The following STAT4 variants were observed in gnomAD, a reference collection of about 807,000 sequenced individuals.
The protein encoded by STAT4 is signal transducer and activator of transcription 4.
A neutral mutation model predicts 110.5 loss-of-function variants in STAT4; 42 were observed. The observed-to-expected ratio is 0.38, with a 90% CI of 0.30 to 0.49. The LOEUF (loss-of-function observed/expected upper bound fraction) is 0.49, where lower values mean the gene tolerates loss of function less well. Ranked by LOEUF, STAT4 falls within the 20% of genes least tolerant of loss-of-function variation. STAT4 has a pLI of 0.95. For synonymous variants in STAT4, 284 were observed against 302.2 expected, an observed-to-expected ratio of 0.94 and a Z score of 0.63; for missense variants, 632 against 887.9, an observed-to-expected ratio of 0.71 and a Z score of 3.66.
rs1188086667 is a variant in STAT4, at chr2:191,034,599, T to C, written c.1571-2A>G. 1 of 1,611,790 alleles carries C rather than the reference T, an allele frequency of 6.2e-7. No individual in the cohort carries two copies. Among genetic ancestry groups the C allele is most frequent in the Non-Finnish European group, 8.5e-7 (1 of 1,177,952 alleles). On this transcript the variant is annotated splice_acceptor_variant, in intron 17 of 23. Coordinates refer to ENST00000392320, the MANE Select transcript of STAT4 (RefSeq NM_003151.4). LOFTEE classifies it high-confidence loss of function. The stretch of plus-strand genomic sequence containing the variant: ...GACCATCACTGTAGCTAGATTGGAC[T>C]GAAATGAAAGAAAAGAATGAAATTT...
At chr2:191,092,032 G>A (rs573530852) in intron 3 of STAT4, among the ~76,000 whole-genome samples, 4 of 152,272 alleles carry the variant, frequency 2.6e-5, no homozygotes, top group Admixed American at 6.5e-5. Flanking sequence ...TTTCAGTTCA[G>A]TAAAAAAGTG....
chr2:191,081,596 C>T (rs6736175), intron 3 of STAT4, among the ~76,000 whole-genome samples: 69,108 of 152,076 alleles, frequency 0.45, 19,201 homozygotes, highest in South Asian at 0.61. Context: ...TGACCAGTGA[C>T]GATGAGCATT....
Position 191,105,538 on chromosome 2 carries a change from T to C in STAT4, c.274-29213A>G, listed in dbSNP as rs114476511. On this transcript the variant is annotated intron_variant, in intron 3 of 23. Coordinates refer to ENST00000392320, the MANE Select transcript of STAT4 (RefSeq NM_003151.4). ...TACATTATATTGTCTTTCAGAGTAC[T>C]AAAATCCATATCCACTGTATAAAAT... is the stretch of plus-strand genomic sequence containing the variant. Among the ~76,000 whole-genome samples, 64 of 152,324 alleles carry C rather than the reference T, an allele frequency of 4.2e-4. No homozygotes were observed. In the Middle Eastern group the frequency reaches 0.01, roughly 24 times the overall value.
rs761738823 is a variant in STAT4, at chr2:191,146,305, G to A, written c.273+308C>T. Among the ~76,000 whole-genome samples the A allele has an allele frequency of 6.6e-6, 1 of 152,176 alleles. No individual in the cohort carries two copies. The highest frequency in any genetic ancestry group is 2.4e-5 in the African/African-American group (1 of 41,446). ...ACAAAGGCAAGGGAGGGCTGCTGGA[G>A]AGCCGTGAAACTGTGGTCTGGTCAG... On this transcript the variant is annotated intron_variant, in intron 3 of 23. Coordinates refer to ENST00000392320, the MANE Select transcript of STAT4 (RefSeq NM_003151.4). The surrounding 1 kb of genome is among the most constrained non-coding windows in gnomAD (Gnocchi z 4.5).
At position 191,148,135 on chromosome 2, in the gene STAT4, A is replaced by G; in HGVS notation, c.69T>C (p.Asp23=). The change falls in exon 2 of 24, where the codon GAT becomes GAC. Residue 23 remains aspartate, a synonymous_variant. Coordinates refer to ENST00000392320, the MANE Select transcript of STAT4 (RefSeq NM_003151.4). ...GCCGAATTTCCATGGGAAAGTTGTC[A>G]TCATAGAATTGATCCACCTGCTCCA... ...KFLEQVDQFY[D]DNFPMEIRHL... is the part of the protein sequence containing the mutation. 1 of 1,614,002 alleles carries G rather than the reference A, an allele frequency of 6.2e-7. No individual in the cohort carries two copies. Among genetic ancestry groups the G allele is most frequent in the African/African-American group, 1.3e-5 (1 of 75,056 alleles).
intron 5 of STAT4, among the ~76,000 whole-genome samples, chr2:191,071,921 C>A (rs1481920191): frequency 1.3e-5 from 2 of 152,122 alleles, no homozygotes; most frequent in Non-Finnish European, 2.9e-5. Flanking sequence ...GTTTGAGAAA[C>A]CCAGGAGCAT....
intron 3 of STAT4, among the ~76,000 whole-genome samples, chr2:191,097,159 TA>T: frequency 6.6e-6 from 1 of 152,144 alleles, no homozygotes; most frequent in Non-Finnish European, 1.5e-5. Context: ...TGCTCATGGA[TA>T]GGAAGAATCA....
chr2:191,041,952 G>T (rs1696211350), intron 14 of STAT4, among the ~76,000 whole-genome samples: 20 of 152,192 alleles, frequency 1.3e-4, no homozygotes, highest in Admixed American at 1.3e-3. Context: ...GTTAGGTGCT[G>T]TGTGTGCTAA....
chr2:191,085,164 G>C (rs1697603634), intron 3 of STAT4, among the ~76,000 whole-genome samples: 1 of 151,258 alleles, frequency 6.6e-6, no homozygotes, highest in Admixed American at 6.6e-5. Context: ...AAATGTTTCT[G>C]CTCTTTTGAA....
chr2:191,063,775 G>A (rs1406697854), intron 8 of STAT4, among the ~76,000 whole-genome samples: 1 of 152,164 alleles, frequency 6.6e-6, no homozygotes, highest in African/African-American at 2.4e-5. Flanking sequence ...ACAGAGTACA[G>A]TGAGTTGTAA....
intron 14 of STAT4, among the ~76,000 whole-genome samples, chr2:191,045,039 T>G (rs778871767): frequency 3.4e-4 from 51 of 152,184 alleles, no homozygotes; most frequent in Admixed American, 1.3e-4. Context: ...TATAATGATA[T>G]TGTGAAGATG....
intron 3 of STAT4, among the ~76,000 whole-genome samples, chr2:191,134,009 C>A (rs551491905): frequency 6.6e-6 from 1 of 152,194 alleles, no homozygotes; most frequent in African/African-American, 2.4e-5. Flanking sequence ...AAGAAGGCCA[C>A]GGCCTATATG....
chr2:191,033,553 A>AT lies in STAT4; in HGVS notation c.1788dup (p.Leu597IlefsTer5). ...CCGAGATGGCTTTCACTGAATCTTA[A>AT]TAAAAAGGTGCCAGGCATTTTATCC... On this transcript the variant is annotated frameshift_variant, in exon 20 of 24. Transcript: ENST00000392320. LOFTEE classifies it high-confidence loss of function. The surrounding 1 kb of genome is among the most constrained non-coding windows in gnomAD (Gnocchi z 6.9). 1 of 1,614,208 alleles carries AT rather than the reference A, an allele frequency of 6.2e-7. No individual in the cohort carries two copies.
intron 3 of STAT4, among the ~76,000 whole-genome samples, chr2:191,079,015 T>C (rs944811122): frequency 1.3e-5 from 2 of 152,070 alleles, no homozygotes; most frequent in Non-Finnish European, 2.9e-5. Flanking sequence ...AACATCTTAT[T>C]CTTTTACCAC....
Position 191,142,066 on chromosome 2 carries a change from C to T in STAT4, c.273+4547G>A, listed in dbSNP as rs1336708452. 6.6e-6 allele frequency among the ~76,000 whole-genome samples: 1 copy of T among 152,062 alleles called. No individual in the cohort carries two copies. The stretch of plus-strand genomic sequence containing the variant: ...ACTATAGGCTCCAGCAATCCCACTA[C>T]TAGGTATTTATCCAAAGGAAAAAAA... On this transcript the variant is annotated intron_variant, in intron 3 of 23. Coordinates refer to ENST00000392320, the MANE Select transcript of STAT4 (RefSeq NM_003151.4). The surrounding 1 kb of genome is among the most constrained non-coding windows in gnomAD (Gnocchi z 4.1).
chr2:191,056,779 ATTTT>A (rs34775786), intron 13 of STAT4, among the ~76,000 whole-genome samples: 2 of 94,508 alleles, frequency 2.1e-5, no homozygotes, highest in East Asian at 3.3e-4. Context: ...CTTCTACACT[ATTTT>A]TTTTTTTTTT....
At chr2:191,130,621 T>C (rs1225862350) in intron 3 of STAT4, among the ~76,000 whole-genome samples, 1 of 151,732 alleles carries the variant, frequency 6.6e-6, no homozygotes, top group East Asian at 1.9e-4. Flanking sequence ...TTTAAATTTA[T>C]CATGCTGGGG....
rs1697536715 is a variant in STAT4, at chr2:191,083,192, T to A, written c.274-6867A>T. 6.6e-6 allele frequency among the ~76,000 whole-genome samples: 1 copy of A among 152,154 alleles called. No homozygotes were observed. The highest frequency in any genetic ancestry group is 6.6e-5 in the Admixed American group (1 of 15,264). ...TGCAAGTCGTTTAAGTGGGAGTTGG[T>A]CCCACAAAACACTGTTATGGGAGTG... On this transcript the variant is annotated intron_variant, in intron 3 of 23. Coordinates refer to ENST00000392320, the MANE Select transcript of STAT4 (RefSeq NM_003151.4). This position sits in a 1 kb window ranked among gnomAD's most constrained non-coding sequence, Gnocchi z 4.6.
At chr2:191,093,983 G>A (rs1023279823) in intron 3 of STAT4, among the ~76,000 whole-genome samples, 1 of 152,288 alleles carries the variant, frequency 6.6e-6, no homozygotes, top group South Asian at 2.1e-4. Flanking sequence ...GGAAGAAAGG[G>A]TAACCGTGAT....
Sources: gnomAD v4.1 joint callset for allele counts (sites outside exome capture counted in the v4.1 genomes callset) on GRCh38, gnomAD v4.1.1 for gene constraint, Gnocchi (gnomAD v3.1) non-coding constraint, MANE v1.5 for transcripts, NCBI Gene and HGNC (gene_info 2026-07-23, HGNC 2026-07-21) for gene names.